The following WIPF2 variants were observed in gnomAD, a reference collection of about 807,000 sequenced individuals.
WIPF2 encodes WAS/WASL interacting protein family member 2, also known as WAS/WASL-interacting protein family member 2.
Under a neutral mutation model 38.8 loss-of-function variants are expected in WIPF2, and 23 were observed. The ratio of observed to expected loss-of-function variants is 0.59; its 90% confidence interval spans 0.43 to 0.84. The LOEUF is 0.84. WIPF2 is among the 40% of genes least tolerant of loss of function. The probability of loss-of-function intolerance (pLI) is 0.00; values close to 1 mark genes in which losing one functional copy is unlikely to be tolerated. For missense variants in WIPF2, 574 were observed against 580.5 expected (o/e 0.99, Z 0.11); for synonymous variants, 210 against 223.2 (o/e 0.94, Z 0.53).
intron 6 of WIPF2, among the ~76,000 whole-genome samples, chr17:40,276,280 C>A (rs550680686): frequency 6.6e-6 from 1 of 152,128 alleles, no homozygotes; most frequent in Non-Finnish European, 1.5e-5. Context: ...GTAATCCCAG[C>A]GCTTTGGGAG....
At chr17:40,250,461 A>G (rs9898922) in intron 1 of WIPF2, among the ~76,000 whole-genome samples, 36,784 of 147,432 alleles carry the variant, frequency 0.25, 6,747 homozygotes, top group African/African-American at 0.53. Flanking sequence ...GTGTTGGACA[A>G]GATGGTCTCT....
At chr17:40,253,558 C>G (rs1025435102) in intron 1 of WIPF2, among the ~76,000 whole-genome samples, 2 of 152,142 alleles carry the variant, frequency 1.3e-5, no homozygotes, top group African/African-American at 4.8e-5. Flanking sequence ...TTTACTGTTT[C>G]GATCAATTTT....
intron 1 of WIPF2, among the ~76,000 whole-genome samples, chr17:40,255,344 CAG>C (rs941936563): frequency 3.3e-5 from 5 of 151,470 alleles, no homozygotes; most frequent in Middle Eastern, 6.9e-3. Flanking sequence ...TTTTTTGAGA[CAG>C]AGTTTCTCTC....
chr17:40,263,783 T>C (rs971158320), intron 4 of WIPF2, among the ~76,000 whole-genome samples: 3 of 151,790 alleles, frequency 2.0e-5, no homozygotes, highest in African/African-American at 7.3e-5. Flanking sequence ...CCTCAAGTGA[T>C]CTGTCCACCT....
intron 1 of WIPF2, among the ~76,000 whole-genome samples, chr17:40,237,939 G>A (rs914314013): frequency 1.3e-5 from 2 of 148,600 alleles, no homozygotes; most frequent in African/African-American, 5.0e-5. Flanking sequence ...GGTGACGTGC[G>A]CCTGTAATCC....
chr17:40,275,711 G>A (rs953048415), intron 6 of WIPF2, among the ~76,000 whole-genome samples: 1 of 152,082 alleles, frequency 6.6e-6, no homozygotes, highest in Non-Finnish European at 1.5e-5. Flanking sequence ...GACCACAGGT[G>A]TGCACCACCA....
At chr17:40,222,662 T>G (rs1485340368) in intron 1 of WIPF2, among the ~76,000 whole-genome samples, 5 of 87,550 alleles carry the variant, frequency 5.7e-5, no homozygotes, top group Admixed American at 1.0e-4. Context: ...CAGTTTTTTT[T>G]TTTTTTTTTT....
chr17:40,267,147 G>A (rs2032113307), intron 5 of WIPF2, among the ~76,000 whole-genome samples: 1 of 152,110 alleles, frequency 6.6e-6, no homozygotes, highest in South Asian at 2.1e-4. Context: ...TTGAGATTAT[G>A]GGCCATACAT....
intron 1 of WIPF2, among the ~76,000 whole-genome samples, chr17:40,245,203 TA>T (rs1303200506): frequency 1.3e-5 from 2 of 152,116 alleles, no homozygotes; most frequent in African/African-American, 4.8e-5. Context: ...TTACTCCTTT[TA>T]TCAGTAACTG....
At chr17:40,226,782 C>T (rs1465361282) in intron 1 of WIPF2, among the ~76,000 whole-genome samples, 1 of 152,116 alleles carries the variant, frequency 6.6e-6, no homozygotes, top group Non-Finnish European at 1.5e-5. Flanking sequence ...TGCTCTGTTG[C>T]CCAGGCTGGA....
rs2030603322 is a variant in WIPF2, at chr17:40,228,633, G to C, written c.-70+9141G>C. Among the ~76,000 whole-genome samples, 4 of 151,352 alleles carry C rather than the reference G, an allele frequency of 2.6e-5. No homozygotes were observed. The South Asian group carries it at 8.4e-4, about 32-fold the overall frequency. ...ATAGGGCAGTGAACAAATTTTCTTG[G>C]TCTTTTTTTTTTTGAGACAGAGTCT... On this transcript the variant is annotated intron_variant, in intron 1 of 7. Transcript: ENST00000323571.
At chr17:40,261,927 G>A (rs182939541) in intron 3 of WIPF2, among the ~76,000 whole-genome samples, 2,296 of 146,608 alleles carry the variant, frequency 0.016, 30 homozygotes, top group Non-Finnish European at 0.023. Flanking sequence ...GCCCGCCTCC[G>A]CCTCCGCCTC....
intron 1 of WIPF2, among the ~76,000 whole-genome samples, chr17:40,233,627 G>C (rs771455389): frequency 6.6e-6 from 1 of 151,906 alleles, no homozygotes; most frequent in Non-Finnish European, 1.5e-5. Flanking sequence ...GTTCTTTCTT[G>C]AGTTTTCCAT....
rs973888182 is a variant in WIPF2 at position 40,260,888 on chromosome 17, C to T, written c.196+221C>T. The T allele has an allele frequency of 1.3e-5, 8 of 601,532 alleles. No individual in the cohort carries two copies. The Admixed American group carries it at 1.7e-4, about 13-fold the overall frequency. 37.3% of individuals were successfully genotyped at this position (601,532 alleles called of 1,614,324 possible). ...TACCATCTCACCGGGCATGGTGGCT[C>T]ATGCCTGTAAGCCCAGCACTTTGGG... is the stretch of plus-strand genomic sequence containing the variant. On this transcript the variant is annotated intron_variant, in intron 3 of 7. Transcript: ENST00000323571.
chr17:40,268,210 C>T (rs2032148860), intron 5 of WIPF2, among the ~76,000 whole-genome samples: 1 of 152,180 alleles, frequency 6.6e-6, no homozygotes, highest in Non-Finnish European at 1.5e-5. Flanking sequence ...AACCTGTGTG[C>T]AGCTTCTTTG....
chr17:40,258,545 C>A (rs182108045), intron 2 of WIPF2, among the ~76,000 whole-genome samples: 1 of 151,874 alleles, frequency 6.6e-6, no homozygotes, highest in African/African-American at 2.4e-5. Flanking sequence ...GAGCCGAGAT[C>A]GCGCCACTGC....
rs1258285187 is a variant in WIPF2 at position 40,281,352 on chromosome 17, A to G, written c.*3127A>G. The G allele has an allele frequency of 6.6e-6, 1 of 152,212 alleles. No individual in the cohort carries two copies. The highest frequency in any genetic ancestry group is 1.5e-5 in the Non-Finnish European group (1 of 68,048). The allele number at this position is 152,212 out of a possible 1,614,324, so 9.4% of individuals were successfully genotyped here. A position where few individuals can be genotyped will look rare whatever the true frequency, so the allele number is the denominator to read the frequency against. Reference sequence around the variant, plus strand: ...GCAGGGCAAACCTCCAGGTTTTTAAATGAGCTAGATGCCCCTCTTCCTCTT... The same window carrying G: ...GCAGGGCAAACCTCCAGGTTTTTAAGTGAGCTAGATGCCCCTCTTCCTCTT... On this transcript the variant is annotated 3_prime_UTR_variant, in exon 8 of 8. Coordinates refer to ENST00000323571, the MANE Select transcript of WIPF2 (RefSeq NM_133264.5).
intron 1 of WIPF2, among the ~76,000 whole-genome samples, chr17:40,236,554 G>A (rs943655365): frequency 1.4e-5 from 2 of 140,824 alleles, no homozygotes; most frequent in East Asian, 4.3e-4. Flanking sequence ...GATCCTCCTG[G>A]CTTGGCCTCC....
At chr17:40,220,632 T>TA (rs200038879) in intron 1 of WIPF2, 14 of 131,028 alleles carry the variant, frequency 1.1e-4, no homozygotes, top group Non-Finnish European at 1.6e-4. Context: ...TATATATATA[T>TA]TTTTTTGTTG....
Sources: allele counts gnomAD v4.1 joint callset (sites outside exome capture counted in the v4.1 genomes callset), GRCh38; gene constraint gnomAD v4.1.1; transcripts MANE v1.5; gene names NCBI Gene and HGNC (gene_info 2026-07-23, HGNC 2026-07-21).